Variants in TACC2 observed in about 807,000 individuals in gnomAD.
TACC2 encodes the protein transforming acidic coiled-coil-containing protein 2.
Under a neutral mutation model 227.3 loss-of-function variants are expected in TACC2, and 137 were observed. The observed-to-expected ratio is 0.60, with a 90% CI of 0.52 to 0.69. TACC2 has a LOEUF of 0.69. Ranked by LOEUF, TACC2 falls within the 30% of genes least tolerant of loss-of-function variation. The pLI, the probability that TACC2 is intolerant of heterozygous loss-of-function variation, is 0.00. For synonymous variants in TACC2, 1,523 were observed against 1,487.5 expected (o/e 1.02, Z -0.55); for missense variants, 3,470 against 3,694.4 (o/e 0.94, Z 1.57).
intron 3 of TACC2, among the ~76,000 whole-genome samples, chr10:122,078,307 C>A (rs1053097564): frequency 6.6e-6 from 1 of 151,388 alleles, no homozygotes; most frequent in Non-Finnish European, 1.5e-5. Flanking sequence ...GTTTTGCCGA[C>A]TCCTGAAAAC....
intron 1 of TACC2, 54 bp from the exon 2 acceptor site, chr10:122,021,883 A>T: frequency 1.8e-6 from 2 of 1,098,194 alleles, no homozygotes; most frequent in South Asian, 2.6e-5. Flanking sequence ...AGACAGAAAA[A>T]ACCTCAGATC....
At chr10:122,241,075 C>T (rs2095982201) in intron 18 of TACC2, among the ~76,000 whole-genome samples, 1 of 152,088 alleles carries the variant, frequency 6.6e-6, no homozygotes. Context: ...TGAATTGGAC[C>T]TTGAGAAACA....
intron 20 of TACC2, 44 bp downstream of exon 20, chr10:122,248,847 GGA>G: frequency 6.2e-7 from 1 of 1,610,808 alleles, no homozygotes; most frequent in Non-Finnish European, 8.5e-7. Flanking sequence ...GATCTGATTG[GGA>G]GAGATTGTGG....
intron 16 of TACC2, among the ~76,000 whole-genome samples, chr10:122,231,868 C>T (rs2095756907): frequency 6.6e-6 from 1 of 152,162 alleles, no homozygotes; most frequent in African/African-American, 2.4e-5. Flanking sequence ...AATGGGAGCC[C>T]CTGGCCTGCC....
intron 20 of TACC2, 112 bp downstream of exon 20, chr10:122,248,915 G>C: frequency 2.0e-6 from 3 of 1,515,460 alleles, no homozygotes; most frequent in South Asian, 2.4e-5. Context: ...CTGCGAGGAG[G>C]GGGTCCATGC....
chr10:122,221,735 C>T (rs1157185789), intron 11 of TACC2, among the ~76,000 whole-genome samples: 4 of 152,192 alleles, frequency 2.6e-5, no homozygotes, highest in African/African-American at 7.2e-5. Flanking sequence ...TGTTACCCAT[C>T]GAAGGGTTTT....
Position 122,107,897 on chromosome 10 carries a change from T to C in TACC2, c.5573+19306T>C, listed in dbSNP as rs868049889. On this transcript the variant is annotated intron_variant, in intron 5 of 22. Transcript: ENST00000369005. ...ATATATATATTTTTTTTTTCTTTTT[T>C]CTTTTTTTTTTTTTGAGACGGAGTC... Among the ~76,000 whole-genome samples the C allele has an allele frequency of 1.5e-4, 6 of 40,960 alleles. No homozygotes were observed. In the South Asian group the frequency reaches 0.014, roughly 96 times the overall value. The allele number at this position is 40,960 out of a possible 152,430, so 26.9% of individuals were successfully genotyped here.
chr10:122,118,662 G>A (rs756739285), intron 5 of TACC2, among the ~76,000 whole-genome samples: 28 of 152,180 alleles, frequency 1.8e-4, no homozygotes, highest in Admixed American at 3.3e-4. Flanking sequence ...TTGGAATCAG[G>A]GAAAATCTGT....
chr10:122,159,948 G>T (rs1387782911), intron 7 of TACC2, among the ~76,000 whole-genome samples: 1 of 152,140 alleles, frequency 6.6e-6, no homozygotes, highest in Non-Finnish European at 1.5e-5. Flanking sequence ...TGTCAGAGGG[G>T]TCTCAAACTA....
intron 5 of TACC2, among the ~76,000 whole-genome samples, chr10:122,123,087 C>T (rs1338357622): frequency 1.3e-5 from 2 of 152,114 alleles, no homozygotes; most frequent in Admixed American, 1.3e-4. Context: ...ACTGCAACCC[C>T]TACTTCCCAG....
intron 5 of TACC2, among the ~76,000 whole-genome samples, chr10:122,101,363 G>A (rs937492081): frequency 6.6e-6 from 1 of 152,090 alleles, no homozygotes; most frequent in South Asian, 2.1e-4. Flanking sequence ...CAGGGACTGT[G>A]CCTGGTCCCC....
intron 7 of TACC2, among the ~76,000 whole-genome samples, chr10:122,169,810 G>A (rs1399407549): frequency 6.6e-6 from 1 of 152,156 alleles, no homozygotes; most frequent in Non-Finnish European, 1.5e-5. Context: ...GAGCACAGTG[G>A]CACAATCATG....
At chr10:122,033,171 G>T in intron 2 of TACC2, 1 of 1,287,136 alleles carries the variant, frequency 7.8e-7, no homozygotes, top group Non-Finnish European at 1.0e-6. Context: ...GGAATGTGCT[G>T]TTCTGCATGG....
At chr10:122,249,794 C>A in intron 22 of TACC2, 130 bp downstream of exon 22, 1 of 1,154,770 alleles carries the variant, frequency 8.7e-7, no homozygotes, top group Non-Finnish European at 1.2e-6. Flanking sequence ...GCTTCATGAG[C>A]ATACCCTTGG....
chr10:122,119,810 T>C (rs983017152), intron 5 of TACC2, among the ~76,000 whole-genome samples: 3 of 151,942 alleles, frequency 2.0e-5, no homozygotes, highest in Admixed American at 1.3e-4. Context: ...TCTCAGCTAC[T>C]CGGGAGGCTG....
intron 5 of TACC2, among the ~76,000 whole-genome samples, chr10:122,099,402 A>G (rs2081888479): frequency 6.6e-6 from 1 of 152,194 alleles, no homozygotes; most frequent in Non-Finnish European, 1.5e-5. Flanking sequence ...GAGGCTGGGT[A>G]GCAGCGAAGC....
chr10:122,223,700 C>A (rs997391800), intron 11 of TACC2, among the ~76,000 whole-genome samples: 28 of 152,240 alleles, frequency 1.8e-4, no homozygotes, highest in African/African-American at 6.3e-4. Context: ...ATGCCTTTAG[C>A]AATAGGCAGA....
intron 2 of TACC2, among the ~76,000 whole-genome samples, chr10:122,042,167 A>G (rs958299945): frequency 6.6e-6 from 1 of 152,026 alleles, no homozygotes; most frequent in Non-Finnish European, 1.5e-5. Context: ...GGATGGTCTC[A>G]ATCTCCTGAC....
At chr10:121,997,656 T>A (rs1953715091) in intron 1 of TACC2, among the ~76,000 whole-genome samples, 1 of 151,964 alleles carries the variant, frequency 6.6e-6, no homozygotes, top group Non-Finnish European at 1.5e-5. Context: ...GTGTGTGCTG[T>A]CATGGGAGCA....
Sources: gnomAD v4.1 joint callset for allele counts (sites outside exome capture counted in the v4.1 genomes callset) on GRCh38, gnomAD v4.1.1 for gene constraint, MANE v1.5 for transcripts, NCBI Gene and HGNC (gene_info 2026-07-23, HGNC 2026-07-21) for gene names.